The following SEMA5A variants were observed in gnomAD, a reference collection of about 807,000 sequenced individuals.
SEMA5A encodes semaphorin 5A.
SEMA5A carries 55 observed loss-of-function variants against 135.5 expected under a neutral mutation model. The observed-to-expected ratio is 0.41, with a 90% confidence interval of 0.33 to 0.51. SEMA5A has a LOEUF of 0.51. SEMA5A is among the 20% of genes least tolerant of loss of function. The pLI, the probability that SEMA5A is intolerant of heterozygous loss-of-function variation, is 0.37. For synonymous variants in SEMA5A, 580 were observed against 546.5 expected (o/e 1.06, Z -0.85); for missense variants, 1,290 against 1,419.9 (o/e 0.91, Z 1.47).
At chr5:9,206,721 A>T (rs3843473) in intron 8 of SEMA5A, among the ~76,000 whole-genome samples, 93,125 of 151,316 alleles carry the variant, frequency 0.62, 28,877 homozygotes, top group African/African-American at 0.68. Flanking sequence ...AATCAAAGTC[A>T]ATTATAAATT....
At chr5:9,226,485 G>A (rs560509974) in intron 7 of SEMA5A, among the ~76,000 whole-genome samples, 1 of 151,936 alleles carries the variant, frequency 6.6e-6, no homozygotes, top group Non-Finnish European at 1.5e-5. Context: ...CCCTTGGATT[G>A]TGATTTTAGA....
intron 2 of SEMA5A, among the ~76,000 whole-genome samples, chr5:9,426,858 C>T (rs1049774542): frequency 1.3e-5 from 2 of 152,162 alleles, no homozygotes; most frequent in African/African-American, 4.8e-5. Flanking sequence ...ATATTATAAT[C>T]AGAGAACTGA....
rs570108290 is a variant in SEMA5A at position 9,301,042 on chromosome 5, GATA to G, written c.270+17327_270+17329del. Among the ~76,000 whole-genome samples, 566 of 152,278 alleles carry G rather than the reference GATA, an allele frequency of 3.7e-3. 1 individual carries two copies. The highest frequency in any genetic ancestry group is 0.013 in the African/African-American group (536 of 41,548). Reference sequence around the variant, plus strand: ...TAGAAAGCTAATACACTACTAAACAGATAATATGTTCAGACAACTTATATTCTC... The same window carrying G: ...TAGAAAGCTAATACACTACTAAACAGATATGTTCAGACAACTTATATTCTC... On this transcript the variant is annotated intron_variant, in intron 5 of 22. Coordinates refer to ENST00000382496, the MANE Select transcript of SEMA5A (RefSeq NM_003966.3).
intron 2 of SEMA5A, among the ~76,000 whole-genome samples, chr5:9,407,377 C>A (rs1756928699): frequency 6.6e-6 from 1 of 152,198 alleles, no homozygotes; most frequent in East Asian, 1.9e-4. Flanking sequence ...TAGTACAACA[C>A]AATTTCAGCA....
At chr5:9,307,210 A>C (rs1295839948) in intron 5 of SEMA5A, among the ~76,000 whole-genome samples, 2 of 152,238 alleles carry the variant, frequency 1.3e-5, no homozygotes, top group Non-Finnish European at 2.9e-5. Flanking sequence ...TAGCCCCCAC[A>C]ACAGTAAGAA....
intron 5 of SEMA5A, among the ~76,000 whole-genome samples, chr5:9,247,990 G>A (rs1039717741): frequency 2.6e-5 from 4 of 152,108 alleles, no homozygotes; most frequent in Non-Finnish European, 4.4e-5. Context: ...CTGCTTAAAC[G>A]TATTAAATCA....
At chr5:9,172,076 GA>G (rs1743953932) in intron 11 of SEMA5A, among the ~76,000 whole-genome samples, 2 of 152,042 alleles carry the variant, frequency 1.3e-5, no homozygotes, top group African/African-American at 4.8e-5. Flanking sequence ...TCCAAGGCTG[GA>G]AAACTCCAGA....
chr5:9,331,878 AG>A (rs1286289432), intron 4 of SEMA5A, among the ~76,000 whole-genome samples: 1 of 152,148 alleles, frequency 6.6e-6, no homozygotes, highest in Admixed American at 6.5e-5. Flanking sequence ...TCAAACCATT[AG>A]CCAAACAAAT....
chr5:9,271,126 G>C (rs1410265350), intron 5 of SEMA5A, among the ~76,000 whole-genome samples: 3 of 152,032 alleles, frequency 2.0e-5, no homozygotes, highest in African/African-American at 7.2e-5. Flanking sequence ...TCTCCTGATA[G>C]TGACTGAATT....
At chr5:9,154,045 C>CAAAAAAAA (rs1157417525) in intron 12 of SEMA5A, among the ~76,000 whole-genome samples, 2 of 34,188 alleles carry the variant, frequency 5.9e-5, no homozygotes, top group African/African-American at 2.5e-4. Flanking sequence ...GACTGTGTCT[C>CAAAAAAAA]AAAAAAAAAA....
At chr5:9,213,533 C>T (rs1253330081) in intron 8 of SEMA5A, among the ~76,000 whole-genome samples, 1 of 152,132 alleles carries the variant, frequency 6.6e-6, no homozygotes, top group Admixed American at 6.5e-5. Context: ...AAAGATGGGA[C>T]AGTTGGCCAG....
At chr5:9,489,067 G>T (rs1408868328) in intron 1 of SEMA5A, among the ~76,000 whole-genome samples, 1 of 152,046 alleles carries the variant, frequency 6.6e-6, no homozygotes, top group East Asian at 1.9e-4. Flanking sequence ...GAAATCTTGG[G>T]CAGGGCTCAT....
intron 1 of SEMA5A, among the ~76,000 whole-genome samples, chr5:9,502,823 G>A (rs796206167): frequency 2.0e-5 from 3 of 152,268 alleles, no homozygotes; most frequent in African/African-American, 7.2e-5. Context: ...CTAATTGGGG[G>A]AAGGACAGAG....
intron 3 of SEMA5A, among the ~76,000 whole-genome samples, chr5:9,341,368 C>T (rs973343596): frequency 6.6e-6 from 1 of 151,940 alleles, no homozygotes; most frequent in Non-Finnish European, 1.5e-5. Context: ...ATCAATACTG[C>T]TTTCTAAGGA....
intron 2 of SEMA5A, among the ~76,000 whole-genome samples, chr5:9,397,179 T>C (rs1756443601): frequency 6.6e-6 from 1 of 152,136 alleles, no homozygotes; most frequent in Non-Finnish European, 1.5e-5. Flanking sequence ...GTACAGCACA[T>C]AAACAAACAC....
At chr5:9,460,755 T>C (rs778674546) in intron 1 of SEMA5A, among the ~76,000 whole-genome samples, 1 of 152,182 alleles carries the variant, frequency 6.6e-6, no homozygotes, top group Non-Finnish European at 1.5e-5. Context: ...TAATTATCCT[T>C]TTAATGATAG....
At chr5:9,457,280 T>C (rs565721445) in intron 1 of SEMA5A, among the ~76,000 whole-genome samples, 9 of 152,186 alleles carry the variant, frequency 5.9e-5, no homozygotes, top group Non-Finnish European at 1.3e-4. Flanking sequence ...GGAGTAGAAA[T>C]CGCACCATGA....
chr5:9,163,167 A>T (rs3797917), intron 11 of SEMA5A, among the ~76,000 whole-genome samples: 17,848 of 152,050 alleles, frequency 0.12, 1,779 homozygotes, highest in African/African-American at 0.25. Flanking sequence ...AGGGCAGATC[A>T]GACTTCTCTA....
intron 8 of SEMA5A, among the ~76,000 whole-genome samples, chr5:9,223,579 A>G (rs1185375975): frequency 6.6e-6 from 1 of 152,196 alleles, no homozygotes; most frequent in South Asian, 2.1e-4. Flanking sequence ...AACTAAGACA[A>G]TTTGGCCCAA....
Sources: allele counts gnomAD v4.1 joint callset (sites outside exome capture counted in the v4.1 genomes callset), GRCh38; gene constraint gnomAD v4.1.1; transcripts MANE v1.5; gene names NCBI Gene and HGNC (gene_info 2026-07-23, HGNC 2026-07-21).